Variants in KIRREL2 observed in about 807,000 individuals in gnomAD.
KIRREL2 encodes the protein kirre like nephrin family adhesion molecule 2, also known as kin of IRRE-like protein 2.
Under a neutral mutation model 73.4 loss-of-function variants are expected in KIRREL2, and 56 were observed. That is an observed-to-expected ratio of 0.76 (90% CI 0.62 to 0.95). The LOEUF (loss-of-function observed/expected upper bound fraction) is 0.95, where lower values mean the gene tolerates loss of function less well. Among genes scored for constraint, KIRREL2 ranks in the 40% least tolerant of loss-of-function variants. The pLI, the probability that KIRREL2 is intolerant of heterozygous loss-of-function variation, is 0.00. For missense variants in KIRREL2, 896 were observed against 935.0 expected (o/e 0.96, Z 0.54); for synonymous variants, 407 against 404.0 (o/e 1.01, Z -0.09).
chr19:35,861,485 C>A, intron 9 of KIRREL2, 56 bp from the exon 10 acceptor site: 1 of 1,569,526 alleles, frequency 6.4e-7, no homozygotes, highest in Non-Finnish European at 8.7e-7. Flanking sequence ...GGCTTTGTTA[C>A]AGCCTTTGGG....
chr19:35,858,216 A>G (rs1294130918), intron 2 of KIRREL2, among the ~76,000 whole-genome samples, 192 bp from the exon 3 acceptor site: 1 of 151,548 alleles, frequency 6.6e-6, no homozygotes, highest in African/African-American at 2.4e-5. Context: ...TCCTGACTTT[A>G]TTACCCCTAA....
rs747066324 is a variant in KIRREL2 at position 35,866,565 on chromosome 19, G to A, written c.*73G>A. On this transcript the variant is annotated 3_prime_UTR_variant, in exon 15 of 15. Transcript: ENST00000360202. ...ATTGTTCTGATTTCTGAGGAGCCAG[G>A]ACAAGTTGGCGACCTTACTCCTCCA... 4 of 1,604,248 alleles carry A rather than the reference G, an allele frequency of 2.5e-6. No homozygotes were observed. The African/African-American group carries it at 5.4e-5, about 22-fold the overall frequency.
At chr19:35,860,796 C>CT in intron 7 of KIRREL2, 113 bp from the exon 8 acceptor site, 1 of 1,585,008 alleles carries the variant, frequency 6.3e-7, no homozygotes, top group Non-Finnish European at 8.6e-7. Context: ...GAGTGTGGAG[C>CT]TGGGGCATAT....
At chr19:35,861,702 C>G in intron 10 of KIRREL2, 61 bp downstream of exon 10, 1 of 1,582,104 alleles carries the variant, frequency 6.3e-7, no homozygotes, top group Non-Finnish European at 8.7e-7. Context: ...TCCCACCTGG[C>G]CCCCCGAAAC....
At chr19:35,855,573 G>A (rs994675138), upstream of KIRREL2, among the ~76,000 whole-genome samples, 2 of 149,158 alleles carry the variant, frequency 1.3e-5, no homozygotes, top group African/African-American at 2.5e-5. Flanking sequence ...CAGACCCTGG[G>A]GTCTCAGTCC....
At position 35,860,664 on chromosome 19, in the gene KIRREL2, C is replaced by CT. The variant is rs1487897282; in HGVS notation, c.926dup (p.Phe310ValfsTer69). On this transcript the variant is annotated frameshift_variant, in exon 7 of 15. Transcript: ENST00000360202. LOFTEE classifies it high-confidence loss of function. Reference sequence around the variant, plus strand: ...CAACCGCAGTACTGCGCTGGATGTGCTGTGTGAGCTGGGGCCGGCCTGTGG... The same window carrying CT: ...CAACCGCAGTACTGCGCTGGATGTGCTTGTGTGAGCTGGGGCCGGCCTGTGG... 7 of 1,602,416 alleles carry CT rather than the reference C, an allele frequency of 4.4e-6. No individual in the cohort carries two copies. The highest frequency in any genetic ancestry group is 5.9e-6 in the Non-Finnish European group (7 of 1,179,806).
At position 35,862,913 on chromosome 19, in the gene KIRREL2, T is replaced by A; in HGVS notation, c.1616-14T>A. On this transcript the variant is annotated splice_polypyrimidine_tract_variant and intron_variant, in intron 12 of 14. Transcript: ENST00000360202. The stretch of plus-strand genomic sequence containing the variant: ...CCCGCCCATCGCTTAACTCCACCGG[T>A]CGCTGTTTGTCAGCCTCAGCCTCTT... The A allele has an allele frequency of 6.6e-7, 1 of 1,513,814 alleles. No homozygotes were observed. The highest frequency in any genetic ancestry group is 2.4e-5 in the East Asian group (1 of 41,560). 93.8% of individuals were successfully genotyped at this position (1,513,814 alleles called of 1,614,324 possible).
At chr19:35,861,711 A>T in intron 10 of KIRREL2, 70 bp downstream of exon 10, 1 of 1,587,732 alleles carries the variant, frequency 6.3e-7, no homozygotes, top group African/African-American at 1.3e-5. Flanking sequence ...GCCCCCCGAA[A>T]CTACTGTGAC....
rs768881422 is a variant in KIRREL2, at chr19:35,864,662, CA to C, written c.1741del (p.Thr581LeufsTer31). 1 of 1,612,986 alleles carries C rather than the reference CA, an allele frequency of 6.2e-7. No homozygotes were observed. Among genetic ancestry groups the C allele is most frequent in the East Asian group, 2.2e-5 (1 of 44,870 alleles). ...CCCTACCCCAGGGCCCCATTGTGCA[CA>C]CTGACCACAGTGATCTGGTTCTGGA... Reference protein sequence around the residue: ...SREDRGPIVHTDHSDLVLEEE... With the variant: ...SREDRGPIVHXDHSDLVLEEE... On this transcript the variant is annotated frameshift_variant, in exon 14 of 15. Transcript: ENST00000360202. LOFTEE classifies it high-confidence loss of function.
At chr19:35,864,792 C>A in intron 14 of KIRREL2, 79 bp downstream of exon 14, 1 of 1,096,620 alleles carries the variant, frequency 9.1e-7, no homozygotes, top group East Asian at 2.4e-5. Flanking sequence ...GTCTCTCTCC[C>A]ACGCCTGTCC....
intron 13 of KIRREL2, among the ~76,000 whole-genome samples, chr19:35,864,164 C>T (rs1157425803): frequency 2.7e-5 from 4 of 148,212 alleles, no homozygotes; most frequent in African/African-American, 1.0e-4. Context: ...CAGTATGTCC[C>T]CACAGCCCGT....
intron 1 of KIRREL2, 56 bp from the exon 2 acceptor site, chr19:35,857,289 A>C (rs1160019728): frequency 6.2e-7 from 1 of 1,609,952 alleles, no homozygotes; most frequent in Non-Finnish European, 8.5e-7. Context: ...CTGGGTCCTG[A>C]ATGAGGAGGC....
chr19:35,858,604 C>T (rs776978551), intron 3 of KIRREL2, 47 bp downstream of exon 3: 35 of 1,611,794 alleles, frequency 2.2e-5, no homozygotes, highest in East Asian at 6.7e-5. Flanking sequence ...GAGGGCAGCC[C>T]GTACTAGCTG....
At position 35,866,326 on chromosome 19, in the gene KIRREL2, T is replaced by A. The variant is rs749868385; in HGVS notation, c.1961T>A (p.Leu654His). The change falls in exon 15 of 15, where the codon CTT becomes CAT. Residue 654 changes from leucine (L) to histidine (H), a missense_variant. By Grantham distance (99) the Leu-to-His change is moderately conservative. Transcript: ENST00000360202. ...PHLGMVPPCRLYRARAGYLTT... is the reference protein window; with the variant it reads ...PHLGMVPPCRHYRARAGYLTT... ...CTGGGCATGGTCCCCCCCTGCAGAC[T>A]TTACAGAGCCAGGGCAGGCTATCTC... 5.0e-6 allele frequency: 8 copies of A among 1,604,896 alleles called. No individual in the cohort carries two copies. The highest frequency in any genetic ancestry group is 6.8e-6 in the Non-Finnish European group (8 of 1,175,778).
chr19:35,860,483 G>T, intron 6 of KIRREL2, 36 bp from the exon 7 acceptor site: 1 of 1,603,160 alleles, frequency 6.2e-7, no homozygotes. Context: ...TGCCAGAGAG[G>T]CCAGGACAAC....
At chr19:35,862,077 G>A (rs1973720406) in intron 11 of KIRREL2, 53 bp downstream of exon 11, 1 of 1,473,940 alleles carries the variant, frequency 6.8e-7, no homozygotes, top group East Asian at 2.4e-5. Flanking sequence ...CCCCACAAAC[G>A]CAGGGATCCC....
chr19:35,862,983 G>C lies in KIRREL2; in HGVS notation c.1672G>C (p.Gly558Arg). ...NLMRIPGSSD[G>R]SSSRGPEEEE... ...GATGCGAATCCCTGGCAGCAGCGAC[G>C]GCTCCAGTTCACGAGGTCCTGAAGA... is the stretch of plus-strand genomic sequence containing the variant. The change falls in exon 13 of 15, where the codon GGC becomes CGC. Residue 558 changes from glycine (G) to arginine (R), a missense_variant. Physicochemically the swap from Gly to Arg is moderately radical, Grantham distance 125 (BLOSUM62 -2). Coordinates refer to ENST00000360202, the MANE Select transcript of KIRREL2 (RefSeq NM_199180.4). 1.3e-6 allele frequency: 2 copies of C among 1,593,560 alleles called. No individual in the cohort carries two copies. The highest frequency in any genetic ancestry group is 2.3e-5 in the South Asian group (2 of 87,344).
chr19:35,853,808 G>A (rs1973340914), upstream of KIRREL2, among the ~76,000 whole-genome samples: 1 of 150,724 alleles, frequency 6.6e-6, no homozygotes, highest in Non-Finnish European at 1.5e-5. Context: ...GAGTAGCTGG[G>A]ACTACAGGCC....
At chr19:35,851,562 T>G (rs1441837750), upstream of KIRREL2, 2 of 1,613,442 alleles carry the variant, frequency 1.2e-6, no homozygotes, top group African/African-American at 2.7e-5. Flanking sequence ...CTGCCAGGGG[T>G]GCTGACCCCA....
Sources: gnomAD v4.1 joint callset for allele counts (sites outside exome capture counted in the v4.1 genomes callset) on GRCh38, gnomAD v4.1.1 for gene constraint, MANE v1.5 for transcripts, NCBI Gene and HGNC (gene_info 2026-07-23, HGNC 2026-07-21) for gene names.